The following RALGPS1 variants were observed in gnomAD, a reference collection of about 807,000 sequenced individuals.
RALGPS1 encodes ras-specific guanine nucleotide-releasing factor RalGPS1.
Under a neutral mutation model 78.8 loss-of-function variants are expected in RALGPS1, and 19 were observed. That is an observed-to-expected ratio of 0.24 (90% CI 0.17 to 0.35). The LOEUF (loss-of-function observed/expected upper bound fraction) is 0.35. Among genes scored for constraint, RALGPS1 ranks in the 10% least tolerant of loss-of-function variants. The pLI, the probability that RALGPS1 is intolerant of heterozygous loss-of-function variation, is 1.00. For synonymous variants in RALGPS1, 228 were observed against 256.3 expected (o/e 0.89, Z 1.06); for missense variants, 454 against 688.3 (o/e 0.66, Z 3.81).
intron 2 of RALGPS1, among the ~76,000 whole-genome samples, chr9:126,964,475 T>A (rs2039247352): frequency 6.6e-6 from 1 of 152,178 alleles, no homozygotes; most frequent in African/African-American, 2.4e-5. Flanking sequence ...AGCTTTATTT[T>A]ATATAACCCG....
At chr9:127,089,238 C>G in intron 8 of RALGPS1, 1 of 1,306,252 alleles carries the variant, frequency 7.7e-7, no homozygotes, top group Non-Finnish European at 1.1e-6. Context: ...TGGGAGGCAT[C>G]TGGAGCAAGA....
chr9:126,947,890 G>A (rs1436464230), intron 1 of RALGPS1, among the ~76,000 whole-genome samples: 5 of 152,216 alleles, frequency 3.3e-5, no homozygotes, highest in African/African-American at 4.8e-5. Flanking sequence ...TGCAGGGATT[G>A]TTAAACCAGA....
At chr9:126,946,590 TG>T (rs1175279398) in intron 1 of RALGPS1, among the ~76,000 whole-genome samples, 3 of 125,070 alleles carry the variant, frequency 2.4e-5, no homozygotes, top group Non-Finnish European at 5.3e-5. Flanking sequence ...GAAAAGGAAA[TG>T]GGGGGTTGAG....
chr9:127,186,365 C>T (rs973647118), intron 11 of RALGPS1, among the ~76,000 whole-genome samples: 1 of 152,226 alleles, frequency 6.6e-6, no homozygotes, highest in Admixed American at 6.5e-5. Context: ...CGTGCCATAT[C>T]GGGGCTGGCA....
intron 13 of RALGPS1, among the ~76,000 whole-genome samples, chr9:127,197,425 A>G (rs2061403828): frequency 6.9e-6 from 1 of 144,190 alleles, no homozygotes; most frequent in Non-Finnish European, 1.5e-5. Context: ...GAGTCCTCCC[A>G]TGGCTGGTGG....
Position 127,212,091 on chromosome 9 carries a change from G to A in RALGPS1, c.1248-40G>A, listed in dbSNP as rs1049230624. ...GTGAGTGAGAGGGTGCTTGACCTCA[G>A]CTCCTCCAGGGCGATGTCTGACTGG... On this transcript the variant is annotated intron_variant, in intron 14 of 18. Transcript: ENST00000259351. This position sits in a 1 kb window ranked among gnomAD's most constrained non-coding sequence, Gnocchi z 6.0. The A allele has an allele frequency of 7.8e-6, 12 of 1,539,552 alleles. No individual in the cohort carries two copies. The South Asian group carries it at 1.2e-4, about 15-fold the overall frequency.
At chr9:127,092,478 G>A (rs887487916) in intron 8 of RALGPS1, among the ~76,000 whole-genome samples, 7 of 152,120 alleles carry the variant, frequency 4.6e-5, no homozygotes, top group African/African-American at 1.7e-4. Flanking sequence ...TGGTTTTGGG[G>A]TCAGCAGCTG....
chr9:127,078,244 T>C lies in RALGPS1; in HGVS notation c.610+8888T>C, dbSNP rs1027878403. Reference sequence around the variant, plus strand: ...GGTTAGCTACATTTTGTTTCAAATCTCTCCCTTCCAGAAGGGAAGAGATTG... The same window carrying C: ...GGTTAGCTACATTTTGTTTCAAATCCCTCCCTTCCAGAAGGGAAGAGATTG... On this transcript the variant is annotated intron_variant, in intron 8 of 18. Coordinates refer to ENST00000259351, the MANE Select transcript of RALGPS1 (RefSeq NM_014636.3). Among the ~76,000 whole-genome samples the C allele has an allele frequency of 7.2e-5, 11 of 152,278 alleles. No individual in the cohort carries two copies. In the South Asian group the frequency reaches 1.2e-3, roughly 17 times the overall value.
chr9:127,019,842 A>G (rs1370494184), intron 4 of RALGPS1, among the ~76,000 whole-genome samples: 1 of 151,986 alleles, frequency 6.6e-6, no homozygotes, highest in Non-Finnish European at 1.5e-5. Context: ...TTTCAATTCA[A>G]ATTCCTGTAG....
At chr9:126,942,571 ATCTGTTTC>A (rs2036887964) in intron 1 of RALGPS1, among the ~76,000 whole-genome samples, 1 of 152,148 alleles carries the variant, frequency 6.6e-6, no homozygotes, top group Admixed American at 6.5e-5. Flanking sequence ...TGTCCTGCAA[ATCTGTTTC>A]TCTGTTTCTT....
At chr9:127,147,829 G>A (rs2058183613) in intron 8 of RALGPS1, among the ~76,000 whole-genome samples, 1 of 152,158 alleles carries the variant, frequency 6.6e-6, no homozygotes, top group Admixed American at 6.5e-5. Flanking sequence ...TGGTGGTGGT[G>A]TTATCATTAT....
chr9:126,965,349 C>A (rs2039372371), intron 2 of RALGPS1, among the ~76,000 whole-genome samples: 1 of 152,092 alleles, frequency 6.6e-6, no homozygotes, highest in Admixed American at 6.6e-5. Context: ...AGGAAAAAAC[C>A]AGGTAATGTT....
intron 8 of RALGPS1, among the ~76,000 whole-genome samples, chr9:127,083,321 C>G (rs913450424): frequency 2.6e-5 from 4 of 152,218 alleles, no homozygotes; most frequent in Non-Finnish European, 5.9e-5. Context: ...GATCCTCTAT[C>G]TGGGAGCCAG....
intron 8 of RALGPS1, among the ~76,000 whole-genome samples, chr9:127,074,666 T>A (rs1461206779): frequency 2.0e-5 from 3 of 152,250 alleles, no homozygotes; most frequent in Admixed American, 2.0e-4. Flanking sequence ...TGCCTAGCAC[T>A]TTGCTAGGCA....
At chr9:126,933,834 C>G (rs1002703231) in intron 1 of RALGPS1, among the ~76,000 whole-genome samples, 2 of 152,068 alleles carry the variant, frequency 1.3e-5, no homozygotes, top group Admixed American at 6.5e-5. Flanking sequence ...GTGTGCCACA[C>G]CCACCCTCCC....
rs1287810711 is a variant in RALGPS1, at chr9:127,071,008, C to A, written c.610+1652C>A. 4.1e-5 allele frequency among the ~76,000 whole-genome samples: 6 copies of A among 147,222 alleles called. No individual in the cohort carries two copies. The East Asian group carries it at 7.8e-4, about 19-fold the overall frequency. On this transcript the variant is annotated intron_variant, in intron 8 of 18. Transcript: ENST00000259351. Reference sequence around the variant, plus strand: ...TTTAATTTTTTGACAATATAATATTCTCTTATAAATTTGAATCTCTCTCTC... The same window carrying A: ...TTTAATTTTTTGACAATATAATATTATCTTATAAATTTGAATCTCTCTCTC...
At chr9:126,922,203 C>T (rs2034836075) in intron 1 of RALGPS1, among the ~76,000 whole-genome samples, 2 of 152,286 alleles carry the variant, frequency 1.3e-5, no homozygotes, top group South Asian at 4.1e-4. Flanking sequence ...AATGATTGGT[C>T]TTTAATATAA....
Position 127,218,746 on chromosome 9 carries a change from G to A in RALGPS1, c.1651G>A (p.Ala551Thr), listed in dbSNP as rs1217682822. 6.2e-7 allele frequency: 1 copy of A among 1,614,056 alleles called. No individual in the cohort carries two copies. Among genetic ancestry groups the A allele is most frequent in the Non-Finnish European group, 8.5e-7 (1 of 1,179,890 alleles). ...ACKSNRPQVP[A>T]NLMSFE The stretch of plus-strand genomic sequence containing the variant: ...GCTGAGCTTTCTCTTCTAGGTACCT[G>A]CAAACCTTATGTCATTTGAGTAAGT... Residue 551 changes from alanine to threonine, a missense_variant, in exon 19 of 19, where the codon GCA becomes ACA. By Grantham distance (58) the Ala-to-Thr change is moderately conservative. Coordinates refer to ENST00000259351, the MANE Select transcript of RALGPS1 (RefSeq NM_014636.3). This position sits in a 1 kb window ranked among gnomAD's most constrained non-coding sequence, Gnocchi z 4.4.
chr9:127,047,766 A>G (rs970848813), intron 5 of RALGPS1, among the ~76,000 whole-genome samples: 12 of 151,040 alleles, frequency 7.9e-5, no homozygotes, highest in Admixed American at 5.3e-4. Flanking sequence ...GTTGGTCTAT[A>G]TGTGAGACTG....
Sources: allele counts gnomAD v4.1 joint callset (sites outside exome capture counted in the v4.1 genomes callset), GRCh38; gene constraint gnomAD v4.1.1; non-coding constraint Gnocchi (gnomAD v3.1); transcripts MANE v1.5; gene names NCBI Gene and HGNC (gene_info 2026-07-23, HGNC 2026-07-21).